The following KIF13A variants were observed in gnomAD, a reference collection of about 807,000 sequenced individuals.
KIF13A encodes kinesin-like protein KIF13A.
Under a neutral mutation model 212.2 loss-of-function variants are expected in KIF13A, and 79 were observed. The ratio of observed to expected loss-of-function variants is 0.37; its 90% confidence interval spans 0.31 to 0.45. The LOEUF (loss-of-function observed/expected upper bound fraction) is 0.45, where lower values mean the gene tolerates loss of function less well. KIF13A is among the 20% of genes least tolerant of loss of function. The probability of loss-of-function intolerance (pLI) is 1.00; values close to 1 mark genes in which losing one functional copy is unlikely to be tolerated. For synonymous variants in KIF13A, 789 were observed against 808.6 expected (o/e 0.98, Z 0.41); for missense variants, 1,901 against 2,209.0 (o/e 0.86, Z 2.79).
intron 2 of KIF13A, among the ~76,000 whole-genome samples, chr6:17,910,373 T>C (rs1047505171): frequency 3.3e-5 from 5 of 152,236 alleles, no homozygotes; most frequent in Admixed American, 1.3e-4. Flanking sequence ...TCTATATGTG[T>C]ATTTCCAAAA....
At chr6:17,864,066 AGC>A (rs1393630042) in intron 4 of KIF13A, among the ~76,000 whole-genome samples, 1 of 152,218 alleles carries the variant, frequency 6.6e-6, no homozygotes, top group East Asian at 1.9e-4. Context: ...AAAGCATACC[AGC>A]CCATAAACGA....
chr6:17,779,782 C>T, intron 31 of KIF13A, 98 bp from the exon 32 acceptor site: 1 of 503,364 alleles, frequency 2.0e-6, no homozygotes, highest in East Asian at 5.2e-5. Flanking sequence ...CGCTGTCGCC[C>T]AGGCTGGAGG....
In KIF13A at chr6:17,786,699, T is replaced by A. The variant is rs1477692175; in HGVS notation, c.3362-1058A>T. On this transcript the variant is annotated intron_variant, in intron 27 of 38. Transcript: ENST00000259711. The surrounding 1 kb of genome is among the most constrained non-coding windows in gnomAD (Gnocchi z 5.4). ...TTATCATGAAAGGGATTTTATCTGA[T>A]ATACTTTGAAATCCTCTTATTCATA... Among the ~76,000 whole-genome samples the A allele has an allele frequency of 8.5e-5, 13 of 152,226 alleles. No homozygotes were observed. The highest frequency in any genetic ancestry group is 2.9e-5 in the Non-Finnish European group (2 of 68,036).
chr6:17,813,896 A>G (rs1255871910), intron 17 of KIF13A, among the ~76,000 whole-genome samples: 1 of 151,540 alleles, frequency 6.6e-6, no homozygotes, highest in Non-Finnish European at 1.5e-5. Flanking sequence ...ATACAGGAAC[A>G]GCAATTAGTA....
rs1767536742 is a variant in KIF13A, at chr6:17,850,527, T to C, written c.583-70A>G. 9.7e-6 allele frequency: 14 copies of C among 1,448,628 alleles called. No homozygotes were observed. Among genetic ancestry groups the C allele is most frequent in the Non-Finnish European group, 1.3e-5 (14 of 1,077,670 alleles). The allele number at this position is 1,448,628 out of a possible 1,614,324, so 89.7% of individuals were successfully genotyped here. ...AATGTAGTCCTGCACACCAGGTATA[T>C]GTATTAATTATGATTCCTCTGATGC... On this transcript the variant is annotated intron_variant, in intron 7 of 38. Coordinates refer to ENST00000259711, the MANE Select transcript of KIF13A (RefSeq NM_022113.6). The surrounding 1 kb of genome is among the most constrained non-coding windows in gnomAD (Gnocchi z 6.2).
intron 3 of KIF13A, chr6:17,882,166 T>C (rs892487712): frequency 2.8e-5 from 12 of 434,038 alleles, no homozygotes; most frequent in Non-Finnish European, 2.8e-5. Flanking sequence ...TCGAGTTGTG[T>C]GCTTTCACTA....
In KIF13A at chr6:17,828,099, A is replaced by T; in HGVS notation, c.1532+141T>A. On this transcript the variant is annotated intron_variant, in intron 14 of 38. Coordinates refer to ENST00000259711, the MANE Select transcript of KIF13A (RefSeq NM_022113.6). The surrounding 1 kb of genome is among the most constrained non-coding windows in gnomAD (Gnocchi z 4.3). ...CACTCCTTCACAGTAATCACTCTCT[A>T]CAATCAGAAAGCAAGGGCCCCCTGA... 1 of 674,560 alleles carries T rather than the reference A, an allele frequency of 1.5e-6. No homozygotes were observed. The highest frequency in any genetic ancestry group is 2.4e-6 in the Non-Finnish European group (1 of 411,692). 41.8% of individuals were successfully genotyped at this position (674,560 alleles called of 1,614,324 possible). A position where few individuals can be genotyped will look rare whatever the true frequency, so the allele number is the denominator to read the frequency against.
chr6:17,968,911 CCA>C lies in KIF13A; in HGVS notation c.146+18141_146+18142del, dbSNP rs1239454470. ...CAGACACAACCTGAGGACTTTCTAC[CCA>C]CAGACTCATCTACCTAGGCACAGCT... On this transcript the variant is annotated intron_variant, in intron 2 of 38. Coordinates refer to ENST00000259711, the MANE Select transcript of KIF13A (RefSeq NM_022113.6). The surrounding 1 kb of genome is among the most constrained non-coding windows in gnomAD (Gnocchi z 4.7). Among the ~76,000 whole-genome samples, 4 of 152,184 alleles carry C rather than the reference CCA, an allele frequency of 2.6e-5. No individual in the cohort carries two copies. Among genetic ancestry groups the C allele is most frequent in the Non-Finnish European group, 5.9e-5 (4 of 68,026 alleles).
At chr6:17,969,554 AC>A (rs1779622240) in intron 2 of KIF13A, among the ~76,000 whole-genome samples, 1 of 152,206 alleles carries the variant, frequency 6.6e-6, no homozygotes, top group Admixed American at 6.5e-5. Context: ...AGGTTTCTAT[AC>A]TTTTATTTTT....
At chr6:17,822,857 A>G (rs1034490422) in intron 16 of KIF13A, among the ~76,000 whole-genome samples, 1 of 152,228 alleles carries the variant, frequency 6.6e-6, no homozygotes, top group African/African-American at 2.4e-5. Flanking sequence ...ATTCCTCCCA[A>G]TTGGTGGGGA....
intron 9 of KIF13A, among the ~76,000 whole-genome samples, chr6:17,841,586 TTA>T (rs777216815): frequency 1.7e-4 from 26 of 152,122 alleles, no homozygotes; most frequent in East Asian, 5.8e-4. Context: ...TATGGAAGTG[TTA>T]TATAACTCCA....
In KIF13A at chr6:17,764,030, G is replaced by C; in HGVS notation, c.*80C>G. 4 of 1,510,792 alleles carry C rather than the reference G, an allele frequency of 2.6e-6. No homozygotes were observed. 93.6% of individuals were successfully genotyped at this position (1,510,792 alleles called of 1,614,324 possible). The stretch of plus-strand genomic sequence containing the variant: ...GCTTCTCTGTGGGCTCATCTTTGCT[G>C]TCACAAACAACTGGATGAATCTTTC... On this transcript the variant is annotated 3_prime_UTR_variant, in exon 39 of 39. Coordinates refer to ENST00000259711, the MANE Select transcript of KIF13A (RefSeq NM_022113.6). The surrounding 1 kb of genome is among the most constrained non-coding windows in gnomAD (Gnocchi z 5.1).
rs1333462193 is a variant in KIF13A at position 17,825,106 on chromosome 6, A to C, written c.1786+662T>G. The stretch of plus-strand genomic sequence containing the variant: ...ACTGGGAGATGGGAAAAGAAAGGGC[A>C]GATTTATAAAACAGCAAAAAAGGAA... On this transcript the variant is annotated intron_variant, in intron 16 of 38. Transcript: ENST00000259711. The surrounding 1 kb of genome is among the most constrained non-coding windows in gnomAD (Gnocchi z 4.5). Among the ~76,000 whole-genome samples, 1 of 152,234 alleles carries C rather than the reference A, an allele frequency of 6.6e-6. No individual in the cohort carries two copies. Among genetic ancestry groups the C allele is most frequent in the East Asian group, 1.9e-4 (1 of 5,204 alleles).
rs976193806 is a variant in KIF13A, at chr6:17,914,362, T to C, written c.147-16182A>G. Among the ~76,000 whole-genome samples the C allele has an allele frequency of 1.3e-5, 2 of 152,174 alleles. No homozygotes were observed. The highest frequency in any genetic ancestry group is 2.4e-5 in the African/African-American group (1 of 41,430). On this transcript the variant is annotated intron_variant, in intron 2 of 38. Transcript: ENST00000259711. The surrounding 1 kb of genome is among the most constrained non-coding windows in gnomAD (Gnocchi z 5.9). The stretch of plus-strand genomic sequence containing the variant: ...AATTCAGAATAGATTTTCATTTCTA[T>C]GCAATCAACCAGTTAATATAATTAA...
intron 2 of KIF13A, among the ~76,000 whole-genome samples, chr6:17,970,937 A>C (rs760971190): frequency 6.6e-6 from 1 of 152,236 alleles, no homozygotes; most frequent in Non-Finnish European, 1.5e-5. Flanking sequence ...CCAAGGGAAA[A>C]GCTGCAGCTC....
Position 17,768,485 on chromosome 6 carries a change from G to A in KIF13A, c.4581+2629C>T, listed in dbSNP as rs1759213348. On this transcript the variant is annotated intron_variant, in intron 38 of 38. Coordinates refer to ENST00000259711, the MANE Select transcript of KIF13A (RefSeq NM_022113.6). This position sits in a 1 kb window ranked among gnomAD's most constrained non-coding sequence, Gnocchi z 5.4. ...TAATCATGTCGTGCTGTTCACCAGA[G>A]ATCTCTGTTTGCAGAACTGCACCAG... Among the ~76,000 whole-genome samples, 1 of 152,222 alleles carries A rather than the reference G, an allele frequency of 6.6e-6. No homozygotes were observed. Among genetic ancestry groups the A allele is most frequent in the African/African-American group, 2.4e-5 (1 of 41,452 alleles).
In KIF13A at chr6:17,789,375, A is replaced by G. The variant is rs79980216; in HGVS notation, c.3261+497T>C. Among the ~76,000 whole-genome samples the G allele has an allele frequency of 7.9e-3, 1,200 of 152,332 alleles. 19 individuals carry two copies. Among genetic ancestry groups the G allele is most frequent in the African/African-American group, 0.028 (1,159 of 41,556 alleles). On this transcript the variant is annotated intron_variant, in intron 26 of 38. Transcript: ENST00000259711. The surrounding 1 kb of genome is among the most constrained non-coding windows in gnomAD (Gnocchi z 4.8). ...ATGTCTCCAATTTTCCTATTCAGCA[A>G]AAGTCTTGTAAAGTAAAATGGCATA...
intron 2 of KIF13A, among the ~76,000 whole-genome samples, chr6:17,917,235 CTTTTTTT>C (rs71002284): frequency 6.8e-4 from 54 of 79,104 alleles, no homozygotes; most frequent in African/African-American, 1.8e-3. Context: ...TTACACGATT[CTTTTTTT>C]TTTTTTTTTT....
At chr6:17,836,846 T>C (rs182475407) in intron 11 of KIF13A, 32 bp downstream of exon 11, 36 of 1,600,698 alleles carry the variant, frequency 2.2e-5, no homozygotes, top group Non-Finnish European at 3.1e-5. Flanking sequence ...GCCAGGGAAC[T>C]TTACCAGCAG....
Sources: gnomAD v4.1 joint callset for allele counts (sites outside exome capture counted in the v4.1 genomes callset) on GRCh38, gnomAD v4.1.1 for gene constraint, Gnocchi (gnomAD v3.1) non-coding constraint, MANE v1.5 for transcripts, NCBI Gene and HGNC (gene_info 2026-07-23, HGNC 2026-07-21) for gene names.